Variants in BANK1 observed in about 807,000 individuals in gnomAD.
BANK1 encodes B cell scaffold protein with ankyrin repeats 1.
In BANK1, 95 loss-of-function variants were observed where a neutral mutation model predicts 94.5. The ratio of observed to expected loss-of-function variants is 1.00; its 90% CI spans 0.85 to 1.19. The LOEUF (loss-of-function observed/expected upper bound fraction) is 1.19. BANK1 is among the 50% of genes most tolerant of loss of function. The probability of loss-of-function intolerance (pLI) is 0.00; values close to 1 mark genes in which losing one functional copy is unlikely to be tolerated. For synonymous variants in BANK1, 334 were observed against 308.4 expected, an observed-to-expected ratio of 1.08 and a Z score of -0.87; for missense variants, 987 against 932.2, an observed-to-expected ratio of 1.06 and a Z score of -0.77.
intron 7 of BANK1, among the ~76,000 whole-genome samples, chr4:101,968,109 G>A (rs1724824754): frequency 1.3e-5 from 2 of 152,002 alleles, no homozygotes; most frequent in Admixed American, 6.6e-5. Context: ...CAGATGATAA[G>A]AAGAAATGCC....
chr4:102,060,253 G>GCTGT lies in BANK1; in HGVS notation c.2015_2018dup (p.Thr674SerfsTer3), dbSNP rs757338022. 337 of 1,604,708 alleles carry GCTGT rather than the reference G, an allele frequency of 2.1e-4. No individual in the cohort carries two copies. The highest frequency in any genetic ancestry group is 2.7e-4 in the Non-Finnish European group (323 of 1,177,318). On this transcript the variant is annotated frameshift_variant, in exon 12 of 17. Transcript: ENST00000322953. LOFTEE classifies it high-confidence loss of function. ...AGTCCAGCCTTTTCTACTCTCAGGG[G>GCTGT]CTGTCTAACTGATGGTCAGGAAGAA...
intron 13 of BANK1, among the ~76,000 whole-genome samples, chr4:102,066,812 C>CT (rs1728611270): frequency 6.6e-6 from 1 of 152,072 alleles, no homozygotes; most frequent in Non-Finnish European, 1.5e-5. Flanking sequence ...TTATGTTTTC[C>CT]TTTTTCTCAT....
intron 7 of BANK1, among the ~76,000 whole-genome samples, chr4:101,976,041 C>A (rs1725114944): frequency 1.3e-5 from 2 of 152,144 alleles, no homozygotes; most frequent in Non-Finnish European, 2.9e-5. Flanking sequence ...GAAATTAATT[C>A]ATTCAGTAAA....
intron 7 of BANK1, among the ~76,000 whole-genome samples, chr4:101,975,078 A>T (rs146460479): frequency 6.6e-6 from 1 of 152,262 alleles, no homozygotes; most frequent in East Asian, 1.9e-4. Context: ...GGGGGAAAAA[A>T]ATCTGCTTTA....
At chr4:101,856,130 C>T (rs1727671706) in intron 3 of BANK1, among the ~76,000 whole-genome samples, 1 of 152,176 alleles carries the variant, frequency 6.6e-6, no homozygotes, top group African/African-American at 2.4e-5. Flanking sequence ...CCTGATCCTA[C>T]TGGTACCAGT....
chr4:101,875,303 C>T (rs930327446), intron 5 of BANK1, among the ~76,000 whole-genome samples: 1 of 152,042 alleles, frequency 6.6e-6, no homozygotes, highest in Non-Finnish European at 1.5e-5. Flanking sequence ...TAAAACAGGA[C>T]CAAACTCAGC....
chr4:102,017,219 G>T (rs1477987492), intron 7 of BANK1, among the ~76,000 whole-genome samples: 1 of 152,054 alleles, frequency 6.6e-6, no homozygotes, highest in East Asian at 1.9e-4. Context: ...TCTTAACAAA[G>T]AACTGGATTT....
At chr4:101,834,121 T>G (rs1324582746) in intron 2 of BANK1, among the ~76,000 whole-genome samples, 1 of 152,224 alleles carries the variant, frequency 6.6e-6, no homozygotes, top group Admixed American at 6.5e-5. Flanking sequence ...ATTTGATATA[T>G]ACCTTTTTGT....
intron 6 of BANK1, among the ~76,000 whole-genome samples, chr4:101,904,226 A>G (rs189228312): frequency 8.9e-4 from 135 of 152,336 alleles, no homozygotes; most frequent in African/African-American, 3.0e-3. Flanking sequence ...TTTTGGAATT[A>G]TAGCAGGAGA....
At chr4:101,954,040 C>T (rs1326623246) in intron 7 of BANK1, among the ~76,000 whole-genome samples, 1 of 152,060 alleles carries the variant, frequency 6.6e-6, no homozygotes, top group African/African-American at 2.4e-5. Context: ...GAATCTATTC[C>T]TTGCCTCTCT....
At chr4:101,933,374 A>G (rs1186917273) in intron 7 of BANK1, among the ~76,000 whole-genome samples, 1 of 151,274 alleles carries the variant, frequency 6.6e-6, no homozygotes, top group East Asian at 2.0e-4. Context: ...TTTCAGAAAA[A>G]GCAAGTCAGT....
intron 7 of BANK1, among the ~76,000 whole-genome samples, chr4:101,976,284 A>G (rs1005170820): frequency 6.6e-6 from 1 of 152,100 alleles, no homozygotes; most frequent in African/African-American, 2.4e-5. Context: ...TGCTGAGAGT[A>G]GGGGTTAGGT....
chr4:102,073,829 A>G, intron 16 of BANK1, 81 bp downstream of exon 16: 1 of 1,154,172 alleles, frequency 8.7e-7, no homozygotes, highest in Non-Finnish European at 1.2e-6. Flanking sequence ...TGTCTAAAAA[A>G]CAGAATTTTT....
At chr4:101,832,850 TCCTC>T (rs1177541074) in intron 2 of BANK1, among the ~76,000 whole-genome samples, 1 of 152,072 alleles carries the variant, frequency 6.6e-6, no homozygotes, top group South Asian at 2.1e-4. Context: ...TTTCCTCTTT[TCCTC>T]CCTCCCTCCC....
intron 1 of BANK1, among the ~76,000 whole-genome samples, chr4:101,791,263 A>G (rs146176133): frequency 4.3e-4 from 65 of 150,240 alleles, no homozygotes; most frequent in African/African-American, 1.3e-3. Flanking sequence ...TGTAGTTTCT[A>G]AAATCACTTT....
rs575563507 is a variant in BANK1, at chr4:101,975,494, G to A, written c.1207-46020G>A. Among the ~76,000 whole-genome samples, 7 of 152,236 alleles carry A rather than the reference G, an allele frequency of 4.6e-5. No individual in the cohort carries two copies. The South Asian group carries it at 1.5e-3, about 32-fold the overall frequency. On this transcript the variant is annotated intron_variant, in intron 7 of 16. Transcript: ENST00000322953. ...ATGGAATGTGCAGGCAGACTTCTTT[G>A]GTTCAAAACTTTGCTCTGCCTCTTT...
At chr4:102,070,300 C>G (rs1160683734) in intron 13 of BANK1, among the ~76,000 whole-genome samples, 1 of 152,208 alleles carries the variant, frequency 6.6e-6, no homozygotes, top group Non-Finnish European at 1.5e-5. Context: ...TAAGGGTGAA[C>G]TGCCCACATG....
At chr4:102,049,629 G>T (rs530206026) in intron 11 of BANK1, among the ~76,000 whole-genome samples, 1 of 152,154 alleles carries the variant, frequency 6.6e-6, no homozygotes, top group African/African-American at 2.4e-5. Context: ...GCAGGAGAGG[G>T]CCACCCACCC....
intron 2 of BANK1, among the ~76,000 whole-genome samples, chr4:101,836,294 A>T (rs1004303765): frequency 2.0e-5 from 3 of 152,128 alleles, no homozygotes; most frequent in African/African-American, 7.2e-5. Flanking sequence ...AGGCTGGCCA[A>T]CATGGTGAAA....
Sources: allele counts gnomAD v4.1 joint callset (sites outside exome capture counted in the v4.1 genomes callset), GRCh38; gene constraint gnomAD v4.1.1; transcripts MANE v1.5; gene names NCBI Gene and HGNC (gene_info 2026-07-23, HGNC 2026-07-21).